The following CSMD3 variants were observed in gnomAD, a reference collection of about 807,000 sequenced individuals.
CSMD3 encodes CUB and sushi domain-containing protein 3.
In CSMD3, 177 loss-of-function variants were observed where a neutral mutation model predicts 435.2. That is an observed-to-expected ratio of 0.41 (90% CI 0.36 to 0.46). CSMD3 has a LOEUF of 0.46. Ranked by LOEUF, CSMD3 falls within the 20% of genes least tolerant of loss-of-function variation. The pLI, the probability that CSMD3 is intolerant of heterozygous loss-of-function variation, is 0.34. For missense variants in CSMD3, 4,265 were observed against 4,504.6 expected, an observed-to-expected ratio of 0.95 and a Z score of 1.52; for synonymous variants, 1,656 against 1,520.5, an observed-to-expected ratio of 1.09 and a Z score of -2.07.
At chr8:112,878,028 C>T (rs187654685) in intron 10 of CSMD3, among the ~76,000 whole-genome samples, 2 of 152,182 alleles carry the variant, frequency 1.3e-5, no homozygotes, top group African/African-American at 4.8e-5. Context: ...CATGAGTAAA[C>T]ACCAAAAGCA....
intron 1 of CSMD3, among the ~76,000 whole-genome samples, chr8:113,388,928 G>C (rs1375965269): frequency 2.0e-5 from 3 of 151,548 alleles, no homozygotes; most frequent in Non-Finnish European, 4.4e-5. Context: ...ATGAGTGTAA[G>C]AGCGCTGGAA....
chr8:112,248,419 T>C (rs2130176151), intron 63 of CSMD3, among the ~76,000 whole-genome samples: 1 of 152,196 alleles, frequency 6.6e-6, no homozygotes. Flanking sequence ...TACTAACTTG[T>C]GGCAGTAAGC....
intron 3 of CSMD3, among the ~76,000 whole-genome samples, chr8:113,267,891 A>G (rs1321601099): frequency 6.6e-6 from 1 of 151,778 alleles, no homozygotes; most frequent in East Asian, 1.9e-4. Context: ...TGATAATTAT[A>G]TTGTCTAACT....
chr8:112,604,012 A>G (rs1021724905), intron 22 of CSMD3, among the ~76,000 whole-genome samples: 13 of 152,310 alleles, frequency 8.5e-5, no homozygotes, highest in African/African-American at 3.1e-4. Context: ...TATTGAATAA[A>G]TAATATTAAT....
At chr8:112,331,373 T>C (rs995338480) in intron 45 of CSMD3, among the ~76,000 whole-genome samples, 1 of 151,984 alleles carries the variant, frequency 6.6e-6, no homozygotes, top group Admixed American at 6.6e-5. Context: ...GAAAAAAATA[T>C]GATATCTGAG....
At chr8:112,348,385 TC>T (rs1293197392) in intron 40 of CSMD3, among the ~76,000 whole-genome samples, 2 of 152,208 alleles carry the variant, frequency 1.3e-5, no homozygotes, top group African/African-American at 4.8e-5. Context: ...CTTCTTTCCA[TC>T]AAAATATCTG....
At chr8:112,717,423 C>A (rs1033490832) in intron 13 of CSMD3, among the ~76,000 whole-genome samples, 3 of 151,886 alleles carry the variant, frequency 2.0e-5, no homozygotes, top group African/African-American at 7.3e-5. Context: ...ACAATGCTGG[C>A]GAGGCTGTGG....
rs2085460210 is a variant in CSMD3 at position 112,991,651 on chromosome 8, C to A, written c.1031-15503G>T. 2.0e-5 allele frequency among the ~76,000 whole-genome samples: 3 copies of A among 151,532 alleles called. No individual in the cohort carries two copies. In the South Asian group the frequency reaches 6.2e-4, roughly 31 times the overall value. ...CAAAATTACAATAAAAAGTAATATACCAGTCAGTCAGTCAGTCAATAAAAT... is the reference window on the plus strand; with the variant it reads ...CAAAATTACAATAAAAAGTAATATAACAGTCAGTCAGTCAGTCAATAAAAT... On this transcript the variant is annotated intron_variant, in intron 6 of 70. Coordinates refer to ENST00000297405, the MANE Select transcript of CSMD3 (RefSeq NM_198123.2).
At chr8:113,248,496 C>A (rs952482094) in intron 3 of CSMD3, among the ~76,000 whole-genome samples, 1 of 119,490 alleles carries the variant, frequency 8.4e-6, no homozygotes, top group Non-Finnish European at 1.9e-5. Context: ...CATATATATA[C>A]ACACACACAT....
intron 4 of CSMD3, among the ~76,000 whole-genome samples, chr8:113,162,212 G>T (rs538249518): frequency 6.6e-6 from 1 of 151,876 alleles, no homozygotes; most frequent in East Asian, 1.9e-4. Flanking sequence ...AAAGATTAGA[G>T]AAAAAATGGA....
chr8:112,905,919 C>G (rs547529129), intron 10 of CSMD3, among the ~76,000 whole-genome samples: 5 of 151,332 alleles, frequency 3.3e-5, no homozygotes, highest in African/African-American at 1.2e-4. Flanking sequence ...GCATGAATGG[C>G]GCGAGTCTTT....
At chr8:112,704,431 C>T (rs926381289) in intron 13 of CSMD3, among the ~76,000 whole-genome samples, 1 of 152,046 alleles carries the variant, frequency 6.6e-6, no homozygotes, top group Non-Finnish European at 1.5e-5. Context: ...CCATTTATAT[C>T]GTCAACTCAG....
At chr8:112,681,960 A>G (rs2075906430) in intron 16 of CSMD3, among the ~76,000 whole-genome samples, 2 of 152,168 alleles carry the variant, frequency 1.3e-5, no homozygotes, top group Admixed American at 1.3e-4. Flanking sequence ...TGGAAAAATA[A>G]AAACTGAAAA....
intron 57 of CSMD3, among the ~76,000 whole-genome samples, chr8:112,288,559 C>G (rs1178329275): frequency 6.6e-6 from 1 of 151,378 alleles, no homozygotes; most frequent in African/African-American, 2.4e-5. Flanking sequence ...AGAATGGTAT[C>G]CACAGAGATA....
chr8:112,244,580 T>G lies in CSMD3; in HGVS notation c.10223-7A>C, dbSNP rs772632623. ...GGCTGTTTACAGCTGTGGGCTATAT[T>G]AAGAAAAGAGAACAATGTAAATTTT... On this transcript the variant is annotated splice_region_variant and splice_polypyrimidine_tract_variant and intron_variant, in intron 64 of 70. Coordinates refer to ENST00000297405, the MANE Select transcript of CSMD3 (RefSeq NM_198123.2). 4 of 1,612,724 alleles carry G rather than the reference T, an allele frequency of 2.5e-6. No homozygotes were observed. The East Asian group carries it at 8.9e-5, about 36-fold the overall frequency.
At chr8:112,993,446 G>T (rs1234341223) in intron 6 of CSMD3, among the ~76,000 whole-genome samples, 1 of 151,790 alleles carries the variant, frequency 6.6e-6, no homozygotes, top group Non-Finnish European at 1.5e-5. Flanking sequence ...GCATGCGTTG[G>T]ATTCTTTATT....
intron 4 of CSMD3, among the ~76,000 whole-genome samples, chr8:113,110,322 T>G (rs549214497): frequency 6.6e-6 from 1 of 152,300 alleles, no homozygotes. Context: ...CCTATTTTAT[T>G]ATAAGCTTCA....
At chr8:112,263,555 T>C (rs1428978947) in intron 61 of CSMD3, 84 bp downstream of exon 61, 7 of 1,113,624 alleles carry the variant, frequency 6.3e-6, no homozygotes, top group Non-Finnish European at 9.3e-6. Flanking sequence ...TAATTAGGCA[T>C]TGAAGGAAGC....
chr8:112,986,164 C>T (rs116981630), intron 6 of CSMD3, among the ~76,000 whole-genome samples: 1,647 of 152,184 alleles, frequency 0.011, 10 homozygotes, highest in Admixed American at 0.016. Flanking sequence ...TTAAATGTCA[C>T]GTAATCAACA....
Sources: gnomAD v4.1 joint callset for allele counts (sites outside exome capture counted in the v4.1 genomes callset) on GRCh38, gnomAD v4.1.1 for gene constraint, MANE v1.5 for transcripts, NCBI Gene and HGNC (gene_info 2026-07-23, HGNC 2026-07-21) for gene names.